The following NFASC variants were observed in gnomAD, a reference collection of about 807,000 sequenced individuals.
The protein encoded by NFASC is neurofascin homolog.
In NFASC, 43 loss-of-function variants were observed where a neutral mutation model predicts 147.5. That is an observed-to-expected ratio of 0.29 (90% confidence interval 0.23 to 0.38). The LOEUF (loss-of-function observed/expected upper bound fraction) is 0.38. Ranked by LOEUF, NFASC falls within the 10% of genes least tolerant of loss-of-function variation. The pLI is 1.00. For synonymous variants in NFASC, 622 were observed against 665.5 expected (o/e 0.93, Z 1.01); for missense variants, 1,320 against 1,689.0 (o/e 0.78, Z 3.83).
chr1:204,987,333 C>A lies in NFASC; in HGVS notation c.2471-85C>A. On this transcript the variant is annotated intron_variant, in intron 21 of 29. Transcript: ENST00000339876. This position sits in a 1 kb window ranked among gnomAD's most constrained non-coding sequence, Gnocchi z 4.4. Reference sequence around the variant, plus strand: ...GGGGTTGTCCAGAGGTCAATGCCTTCATACTTGTGCTTTGTTTTTTGTGTT... The same window carrying A: ...GGGGTTGTCCAGAGGTCAATGCCTTAATACTTGTGCTTTGTTTTTTGTGTT... 7.4e-7 allele frequency: 1 copy of A among 1,344,070 alleles called. No homozygotes were observed. Among genetic ancestry groups the A allele is most frequent in the Non-Finnish European group, 1.0e-6 (1 of 960,356 alleles). The allele number at this position is 1,344,070 out of a possible 1,614,324, so 83.3% of individuals were successfully genotyped here.
At chr1:204,946,629 G>A (rs2595959) in intron 3 of NFASC, 47,060 of 499,230 alleles carry the variant, frequency 0.094, 2,504 homozygotes, top group African/African-American at 0.15. Flanking sequence ...CTCTATGGCC[G>A]AGGCCATCTC....
intron 10 of NFASC, among the ~76,000 whole-genome samples, chr1:204,970,074 CAAAAAAAAAAAAA>C (rs11307141): frequency 1.5e-5 from 1 of 65,460 alleles, no homozygotes; most frequent in Non-Finnish European, 2.7e-5. Context: ...GACTCCATCT[CAAAAAAAAAAAAA>C]AAAAAAAAAA....
chr1:205,021,829 C>T lies in NFASC; in HGVS notation c.*5290C>T. Reference sequence around the variant, plus strand: ...GTCTGTGATCAGCCTGTGTGTGGTTCACCCAGTCATGCAATTAAGGGCAGA... The same window carrying T: ...GTCTGTGATCAGCCTGTGTGTGGTTTACCCAGTCATGCAATTAAGGGCAGA... On this transcript the variant is annotated 3_prime_UTR_variant, in exon 30 of 30. Coordinates refer to ENST00000339876, the MANE Select transcript of NFASC (RefSeq NM_001005388.3). 6.5e-6 allele frequency: 1 copy of T among 153,002 alleles called. No homozygotes were observed. 9.5% of individuals were successfully genotyped at this position (153,002 alleles called of 1,614,324 possible).
At chr1:204,881,642 G>A (rs755096915) in intron 1 of NFASC, among the ~76,000 whole-genome samples, 4 of 152,110 alleles carry the variant, frequency 2.6e-5, no homozygotes, top group South Asian at 2.1e-4. Context: ...GGGGAACCAC[G>A]GGTTCCTGAA....
chr1:204,871,057 C>T (rs1163307029), intron 1 of NFASC: 3 of 1,289,814 alleles, frequency 2.3e-6, no homozygotes, highest in East Asian at 1.1e-4. Flanking sequence ...GACCATGGCT[C>T]CTTCAGGAGA....
Position 204,849,570 on chromosome 1 carries a change from A to G in NFASC, c.-200+20788A>G, listed in dbSNP as rs551101612. On this transcript the variant is annotated intron_variant, in intron 1 of 29. Transcript: ENST00000339876. ...GCTGGTCCAGGGACCACACTTGGAG[A>G]GCCATTAGTCCAATTCCCTCATTTT... Among the ~76,000 whole-genome samples the G allele has an allele frequency of 5.9e-5, 9 of 152,230 alleles. No individual in the cohort carries two copies. The South Asian group carries it at 1.9e-3, about 32-fold the overall frequency.
chr1:204,979,331 C>A lies in NFASC; in HGVS notation c.1979-31C>A. ...AGAAGACCACTGCTAACTGAGCTCCCGAAACAGCTCTGTTTTCCTTGCCCA... is the reference window on the plus strand; with the variant it reads ...AGAAGACCACTGCTAACTGAGCTCCAGAAACAGCTCTGTTTTCCTTGCCCA... On this transcript the variant is annotated intron_variant, in intron 18 of 29. Coordinates refer to ENST00000339876, the MANE Select transcript of NFASC (RefSeq NM_001005388.3). The surrounding 1 kb of genome is among the most constrained non-coding windows in gnomAD (Gnocchi z 6.0). The A allele has an allele frequency of 1.3e-6, 2 of 1,583,314 alleles. No homozygotes were observed. Among genetic ancestry groups the A allele is most frequent in the East Asian group, 2.2e-5 (1 of 44,616 alleles).
At chr1:204,922,026 G>C (rs2090585373) in intron 2 of NFASC, among the ~76,000 whole-genome samples, 1 of 152,124 alleles carries the variant, frequency 6.6e-6, no homozygotes, top group Non-Finnish European at 1.5e-5. Flanking sequence ...GGCAGGGGTG[G>C]CGCGGGCAGG....
chr1:204,857,233 G>A (rs961936166), intron 1 of NFASC, among the ~76,000 whole-genome samples: 15 of 152,160 alleles, frequency 9.9e-5, no homozygotes, highest in African/African-American at 2.9e-4. Flanking sequence ...TTTACACACT[G>A]AACTCAGCAC....
chr1:204,976,330 T>C (rs6659514), intron 15 of NFASC, among the ~76,000 whole-genome samples: 15,591 of 152,236 alleles, frequency 0.1, 1,102 homozygotes, highest in African/African-American at 0.21. Context: ...AATACCAACC[T>C]ACCTTGGGGT....
rs778079761 is a variant in NFASC, at chr1:204,987,521, C to T, written c.2574C>T (p.Tyr858=). The change falls in exon 22 of 30, where the codon TAC becomes TAT. Residue 858 remains tyrosine, a synonymous_variant. Coordinates refer to ENST00000339876, the MANE Select transcript of NFASC (RefSeq NM_001005388.3). The surrounding 1 kb of genome is among the most constrained non-coding windows in gnomAD (Gnocchi z 4.4). ...PEHPNGIMIG[Y]TLKYVAFNGT... ...ATCCAAATGGGATCATGATTGGATACACTCTCAAATATGTGGCCTGTACGT... is the reference window on the plus strand; with the variant it reads ...ATCCAAATGGGATCATGATTGGATATACTCTCAAATATGTGGCCTGTACGT... 36 of 1,614,016 alleles carry T rather than the reference C, an allele frequency of 2.2e-5. No individual in the cohort carries two copies. The highest frequency in any genetic ancestry group is 6.7e-5 in the Admixed American group (4 of 60,010).
chr1:204,902,761 T>C (rs2084915944), intron 1 of NFASC, among the ~76,000 whole-genome samples: 2 of 152,236 alleles, frequency 1.3e-5, no homozygotes, highest in South Asian at 4.1e-4. Flanking sequence ...GGGAAGGAGA[T>C]GCTGGGTGCT....
chr1:204,964,393 A>T (rs1377341518), intron 8 of NFASC, among the ~76,000 whole-genome samples: 3 of 152,278 alleles, frequency 2.0e-5, no homozygotes, highest in African/African-American at 7.2e-5. Flanking sequence ...AAGGACAGAC[A>T]GAACTTAAAG....
At chr1:204,962,942 A>G (rs937452119) in intron 8 of NFASC, among the ~76,000 whole-genome samples, 6 of 152,152 alleles carry the variant, frequency 3.9e-5, no homozygotes, top group Admixed American at 1.3e-4. Context: ...ACCCCTCACC[A>G]TGGCTCAAGA....
intron 20 of NFASC, among the ~76,000 whole-genome samples, 162 bp from the exon 21 acceptor site, chr1:204,981,636 A>G (rs931518102): frequency 6.6e-6 from 1 of 151,946 alleles, no homozygotes; most frequent in African/African-American, 2.4e-5. Flanking sequence ...CTTTTGGGGG[A>G]CTCACTGGGG....
rs764995392 is a variant in NFASC, at chr1:205,009,725, G to A, written c.3421+37G>A. 9.4e-6 allele frequency: 15 copies of A among 1,601,500 alleles called. No individual in the cohort carries two copies. In the Admixed American group the frequency reaches 2.6e-4, roughly 27 times the overall value. ...AAGAGGCGTGGGCTTGCAGGGTGGG[G>A]CACGTCCACTTTCCCGTGAGTCTCC... On this transcript the variant is annotated intron_variant, in intron 28 of 29. Transcript: ENST00000339876.
chr1:204,985,468 A>G (rs1314110477), intron 21 of NFASC, among the ~76,000 whole-genome samples: 2 of 152,198 alleles, frequency 1.3e-5, no homozygotes, highest in East Asian at 1.9e-4. Flanking sequence ...CCTGCCGTCA[A>G]TCTAAACCAT....
intron 1 of NFASC, among the ~76,000 whole-genome samples, chr1:204,855,319 A>G (rs762514977): frequency 1.3e-5 from 2 of 152,266 alleles, no homozygotes; most frequent in Non-Finnish European, 2.9e-5. Flanking sequence ...GGGAACCAAG[A>G]GACAGCAATG....
intron 27 of NFASC, among the ~76,000 whole-genome samples, chr1:205,007,609 G>T (rs949772524): frequency 1.3e-5 from 2 of 151,276 alleles, no homozygotes; most frequent in Non-Finnish European, 2.9e-5. Flanking sequence ...GAGTTGGGGA[G>T]AGGGGCTTTG....
Sources: allele counts gnomAD v4.1 joint callset (sites outside exome capture counted in the v4.1 genomes callset), GRCh38; gene constraint gnomAD v4.1.1; non-coding constraint Gnocchi (gnomAD v3.1); transcripts MANE v1.5; gene names NCBI Gene and HGNC (gene_info 2026-07-23, HGNC 2026-07-21).